The following PRIM2 variants were observed in gnomAD, a reference collection of about 807,000 sequenced individuals.
PRIM2 encodes DNA primase subunit 2.
In PRIM2, 39 loss-of-function variants were observed where a neutral mutation model predicts 67.3. That is an observed-to-expected ratio of 0.58 (90% CI 0.45 to 0.76). The LOEUF is 0.76. Among genes scored for constraint, PRIM2 ranks in the 30% least tolerant of loss-of-function variants. PRIM2 has a pLI of 0.00. For synonymous variants in PRIM2, 143 were observed against 198.7 expected (o/e 0.72, Z 2.36); for missense variants, 398 against 598.7 (o/e 0.66, Z 3.50).
chr6:57,366,276 C>A (rs10949026), intron 5 of PRIM2, among the ~76,000 whole-genome samples: 1 of 151,536 alleles, frequency 6.6e-6, no homozygotes, highest in African/African-American at 2.4e-5. Context: ...AGACATGGTG[C>A]GCTATAGGAA....
chr6:57,574,920 G>C (rs1775934525), intron 10 of PRIM2, among the ~76,000 whole-genome samples: 1 of 152,044 alleles, frequency 6.6e-6, no homozygotes, highest in Non-Finnish European at 1.5e-5. Flanking sequence ...TATTTATAGA[G>C]CTCTCGGTAT....
chr6:57,356,197 C>G (rs541546736), intron 5 of PRIM2, among the ~76,000 whole-genome samples: 115 of 152,262 alleles, frequency 7.6e-4, no homozygotes, highest in Non-Finnish European at 1.3e-3. Flanking sequence ...TAGTTGAATA[C>G]TGGTGCTGCT....
At chr6:57,618,819 C>G (rs1427025315) in intron 12 of PRIM2, among the ~76,000 whole-genome samples, 3 of 151,726 alleles carry the variant, frequency 2.0e-5, no homozygotes, top group Non-Finnish European at 2.9e-5. Flanking sequence ...CCCACCCCCA[C>G]CTGACAGTCC....
chr6:57,244,755 A>AT, the PRIM2 span, among the ~76,000 whole-genome samples: 1 of 149,606 alleles, frequency 6.7e-6, no homozygotes, highest in Admixed American at 6.7e-5. Flanking sequence ...AAAAAAAAAA[A>AT]TTGCTTAATT....
At chr6:57,253,112 A>AT in the PRIM2 span, among the ~76,000 whole-genome samples, 1 of 152,142 alleles carries the variant, frequency 6.6e-6, no homozygotes, top group African/African-American at 2.4e-5. Context: ...TTCAACTAAA[A>AT]TTAACTCTGT....
intron 8 of PRIM2, among the ~76,000 whole-genome samples, chr6:57,527,853 T>C (rs1774792675): frequency 6.6e-6 from 1 of 152,232 alleles, no homozygotes; most frequent in Non-Finnish European, 1.5e-5. Context: ...CTAATTCTGA[T>C]ACTTAACATC....
intron 5 of PRIM2, among the ~76,000 whole-genome samples, chr6:57,376,006 A>G (rs1443421264): frequency 3.3e-5 from 5 of 152,108 alleles, no homozygotes; most frequent in African/African-American, 1.2e-4. Flanking sequence ...CAGGAGTTCA[A>G]GACCAGCCTG....
intron 7 of PRIM2, among the ~76,000 whole-genome samples, chr6:57,458,553 T>TG (rs1197952118): frequency 9.9e-5 from 15 of 152,048 alleles, no homozygotes; most frequent in African/African-American, 3.6e-4. Flanking sequence ...GCCATGGTGG[T>TG]GGGCACCTGT....
intron 7 of PRIM2, among the ~76,000 whole-genome samples, chr6:57,457,127 C>A (rs565781933): frequency 1.6e-5 from 2 of 121,900 alleles, no homozygotes; most frequent in Non-Finnish European, 3.5e-5. Context: ...GCAAATGTTC[C>A]TGCCTGATCG....
chr6:57,280,412 T>A, the PRIM2 span, among the ~76,000 whole-genome samples: 1 of 152,192 alleles, frequency 6.6e-6, no homozygotes, highest in Non-Finnish European at 1.5e-5. Flanking sequence ...AACTTTTAAT[T>A]TTGAAATAAT....
At chr6:57,364,216 G>C (rs1257721866) in intron 5 of PRIM2, among the ~76,000 whole-genome samples, 1 of 151,910 alleles carries the variant, frequency 6.6e-6, no homozygotes, top group East Asian at 1.9e-4. Flanking sequence ...AATCTGTGTG[G>C]TCTGTTCCTG....
intron 12 of PRIM2, among the ~76,000 whole-genome samples, chr6:57,630,843 T>C (rs1482996712): frequency 6.6e-6 from 1 of 152,198 alleles, no homozygotes; most frequent in Non-Finnish European, 1.5e-5. Context: ...GTGTTAGCGT[T>C]ACTTGGAAAA....
intron 5 of PRIM2, among the ~76,000 whole-genome samples, chr6:57,326,933 A>C (rs1767886157): frequency 7.5e-6 from 1 of 133,928 alleles, no homozygotes; most frequent in Non-Finnish European, 1.5e-5. Flanking sequence ...ATGGAGCCTC[A>C]CTCTGTCATC....
chr6:57,449,178 TG>T (rs1772456607), intron 7 of PRIM2, among the ~76,000 whole-genome samples: 1 of 152,172 alleles, frequency 6.6e-6, no homozygotes, highest in Admixed American at 6.5e-5. Flanking sequence ...GGGATTAATT[TG>T]GAAAGTAAAA....
the PRIM2 span, among the ~76,000 whole-genome samples, chr6:57,225,895 C>A: frequency 6.6e-6 from 1 of 152,140 alleles, no homozygotes; most frequent in African/African-American, 2.4e-5. Context: ...TACTGTTCTT[C>A]AGATTCAAAC....
the PRIM2 span, among the ~76,000 whole-genome samples, chr6:57,237,891 C>T: frequency 1.1e-4 from 17 of 152,194 alleles, no homozygotes; most frequent in South Asian, 6.2e-4. Flanking sequence ...ATTGACTTGG[C>T]GATGCAGGCT....
At chr6:57,389,027 G>A (rs1770240719) in intron 7 of PRIM2, among the ~76,000 whole-genome samples, 1 of 152,180 alleles carries the variant, frequency 6.6e-6, no homozygotes, top group African/African-American at 2.4e-5. Context: ...AGAAAATGGG[G>A]CAGATCCTTA....
At chr6:57,468,879 G>A (rs1773269340) in intron 7 of PRIM2, among the ~76,000 whole-genome samples, 1 of 152,178 alleles carries the variant, frequency 6.6e-6, no homozygotes, top group African/African-American at 2.4e-5. Flanking sequence ...CAAGGCTAAT[G>A]TTATTTTTAT....
chr6:57,532,333 G>A (rs1297055463), intron 8 of PRIM2, 78 bp from the exon 9 acceptor site: 3 of 545,574 alleles, frequency 5.5e-6, no homozygotes, highest in Admixed American at 4.0e-5. Flanking sequence ...ATCATTTTCA[G>A]AATTTAAAAA....
Sources: allele counts gnomAD v4.1 joint callset (sites outside exome capture counted in the v4.1 genomes callset), GRCh38; gene constraint gnomAD v4.1.1; transcripts MANE v1.5; gene names NCBI Gene and HGNC (gene_info 2026-07-23, HGNC 2026-07-21).